The following TTC19 variants were observed in gnomAD, a reference collection of about 807,000 sequenced individuals.
The protein encoded by TTC19 is tetratricopeptide repeat protein 19, mitochondrial.
In TTC19, 38 loss-of-function variants were observed where a neutral mutation model predicts 49.5. The observed-to-expected ratio is 0.77, with a 90% CI of 0.59 to 1.01. TTC19 has a LOEUF of 1.01. Ranked by LOEUF, TTC19 falls within the 50% of genes least tolerant of loss-of-function variation. The pLI, the probability that TTC19 is intolerant of heterozygous loss-of-function variation, is 0.00. For synonymous variants in TTC19, 204 were observed against 185.2 expected (o/e 1.10, Z -0.83); for missense variants, 475 against 477.7 (o/e 0.99, Z 0.05).
intron 7 of TTC19, among the ~76,000 whole-genome samples, chr17:16,016,778 G>A (rs1414858699): frequency 2.6e-5 from 4 of 151,992 alleles, no homozygotes; most frequent in African/African-American, 7.2e-5. Context: ...GGCTGGTCTC[G>A]AACTCCTGAC....
intron 7 of TTC19, among the ~76,000 whole-genome samples, chr17:16,013,434 T>G (rs1480618844): frequency 1.3e-5 from 2 of 152,244 alleles, no homozygotes; most frequent in African/African-American, 2.4e-5. Context: ...CTTAGAGAGA[T>G]ATTTTTCAAG....
At chr17:16,033,396 T>TC (rs1185054506), downstream of TTC19, among the ~76,000 whole-genome samples, 5 of 145,198 alleles carry the variant, frequency 3.4e-5, no homozygotes, top group African/African-American at 1.0e-4. Flanking sequence ...AAATAATAAA[T>TC]CTCATGTATG....
chr17:16,025,575 G>A (rs1488058336), intron 8 of TTC19, among the ~76,000 whole-genome samples: 1 of 152,190 alleles, frequency 6.6e-6, no homozygotes, highest in African/African-American at 2.4e-5. Flanking sequence ...ATGGCAAGAG[G>A]TGAGGGAAGG....
At chr17:16,020,269 T>G (rs879698318) in intron 7 of TTC19, among the ~76,000 whole-genome samples, 5 of 152,366 alleles carry the variant, frequency 3.3e-5, no homozygotes, top group Non-Finnish European at 7.3e-5. Flanking sequence ...GTGGCTTCAC[T>G]ATGTGTTTCT....
intron 6 of TTC19, among the ~76,000 whole-genome samples, chr17:16,005,712 G>T (rs920194750): frequency 2.0e-5 from 3 of 152,160 alleles, no homozygotes; most frequent in African/African-American, 7.2e-5. Context: ...ACTTTTATCA[G>T]AGACTTATAG....
At chr17:16,004,292 T>G in intron 6 of TTC19, 30 bp downstream of exon 6, 11 of 1,605,018 alleles carry the variant, frequency 6.9e-6, no homozygotes, top group Non-Finnish European at 9.4e-6. Context: ...AGTAGGACTG[T>G]GGGCAGGAAA....
intron 7 of TTC19, chr17:16,024,670 T>A: frequency 9.4e-6 from 3 of 318,630 alleles, no homozygotes; most frequent in Non-Finnish European, 1.8e-5. Flanking sequence ...GTTCTCTGTC[T>A]TCTTCCTGCA....
rs78193493 is a variant in TTC19, at chr17:16,027,383, C to T, written c.1004C>T (p.Thr335Ile). Reference protein sequence around the residue: ...AAVLMHRERYTQAKEIYQEAL... With the variant: ...AAVLMHRERYIQAKEIYQEAL... ...CTCTGGGTTATTTTAGAACGATATACACAAGCAAAAGAGATCTACCAGGAA... is the reference window on the plus strand; with the variant it reads ...CTCTGGGTTATTTTAGAACGATATATACAAGCAAAAGAGATCTACCAGGAA... The change falls in exon 10 of 10, where the codon ACA (threonine) becomes ATA (isoleucine). Residue 335 changes from threonine (T) to isoleucine (I), a missense_variant. Transcript: ENST00000261647. 7.7e-4 allele frequency: 1,242 copies of T among 1,613,994 alleles called. 10 individuals carry two copies. In the African/African-American group the frequency reaches 0.014, roughly 18 times the overall value.
chr17:16,027,314 A>T, intron 9 of TTC19, 60 bp from the exon 10 acceptor site: 1 of 1,597,750 alleles, frequency 6.3e-7, no homozygotes, highest in Middle Eastern at 1.7e-4. Flanking sequence ...CTCTCTCTTC[A>T]GAATCACCTT....
chr17:16,032,471 A>G, downstream of TTC19: 1 of 1,583,498 alleles, frequency 6.3e-7, no homozygotes, highest in East Asian at 2.3e-5. Context: ...GTTATAAGGA[A>G]ACTGAGTTGA....
At chr17:16,026,823 A>G in intron 9 of TTC19, 121 bp downstream of exon 9, 1 of 1,059,714 alleles carries the variant, frequency 9.4e-7, no homozygotes, top group South Asian at 1.3e-5. Flanking sequence ...AAATTAAAAG[A>G]CTGGTTGAAT....
At chr17:16,040,462 G>C in intron 2 of TTC19, 1 of 1,613,710 alleles carries the variant, frequency 6.2e-7, no homozygotes, top group South Asian at 1.1e-5. Flanking sequence ...ACTGCTGGCA[G>C]ATTAAAGATC....
Position 16,000,199 on chromosome 17 carries a change from C to A in TTC19, c.266C>A (p.Ala89Glu). 1.3e-6 allele frequency: 2 copies of A among 1,594,240 alleles called. No homozygotes were observed. The highest frequency in any genetic ancestry group is 2.2e-5 in the South Asian group (2 of 90,776). The change falls in exon 2 of 10, where the codon GCG (alanine) becomes GAG (glutamate). Residue 89 changes from alanine (A) to glutamate (E), a missense_variant. Coordinates refer to ENST00000261647, the MANE Select transcript of TTC19 (RefSeq NM_017775.4). Reference sequence around the variant, plus strand: ...GACGGGGCCGCTGCCGAGGACGGGGCGGACGAGGCCGAGGCAGAGATCATC... The same window carrying A: ...GACGGGGCCGCTGCCGAGGACGGGGAGGACGAGGCCGAGGCAGAGATCATC... ...GADGAAAEDG[A>E]DEAEAEIIQL...
chr17:16,026,832 A>T lies in TTC19; in HGVS notation c.994+130A>T, dbSNP rs117263913. The T allele has an allele frequency of 1.1e-4, 111 of 981,792 alleles. No individual in the cohort carries two copies. The East Asian group carries it at 2.4e-3, about 22-fold the overall frequency. 60.8% of individuals were successfully genotyped at this position (981,792 alleles called of 1,614,324 possible). Reference sequence around the variant, plus strand: ...ACATGTAAATTAAAAGACTGGTTGAATGGCAGAAAAAGGAGGTATTGATTA... The same window carrying T: ...ACATGTAAATTAAAAGACTGGTTGATTGGCAGAAAAAGGAGGTATTGATTA... On this transcript the variant is annotated intron_variant, in intron 9 of 9. Coordinates refer to ENST00000261647, the MANE Select transcript of TTC19 (RefSeq NM_017775.4).
In TTC19 at chr17:15,999,828, C is replaced by G. The variant is rs1410641256; in HGVS notation, c.-21C>G. The G allele has an allele frequency of 6.5e-7, 1 of 1,542,592 alleles. No individual in the cohort carries two copies. The highest frequency in any genetic ancestry group is 1.9e-5 in the Admixed American group (1 of 51,902). ...CCAGGAGCGCGTCTGGCCTGCAGTG[C>G]GCAGAGGACGCGGCGGGAGCATGTT... On this transcript the variant is annotated 5_prime_UTR_variant, in exon 1 of 10. Coordinates refer to ENST00000261647, the MANE Select transcript of TTC19 (RefSeq NM_017775.4).
intron 7 of TTC19, among the ~76,000 whole-genome samples, chr17:16,014,752 A>G (rs1971166086): frequency 6.6e-6 from 1 of 152,230 alleles, no homozygotes; most frequent in Non-Finnish European, 1.5e-5. Flanking sequence ...AACATTTCAG[A>G]TAAGGAATAC....
chr17:16,009,309 G>C (rs143052518), intron 7 of TTC19, among the ~76,000 whole-genome samples: 2 of 152,260 alleles, frequency 1.3e-5, no homozygotes, highest in East Asian at 3.9e-4. Flanking sequence ...AATAATACCA[G>C]TAAACACTGA....
intron 2 of TTC19, among the ~76,000 whole-genome samples, chr17:16,035,205 C>A (rs1002690108): frequency 6.6e-6 from 1 of 152,174 alleles, no homozygotes; most frequent in Non-Finnish European, 1.5e-5. Flanking sequence ...TTGCCAAAGG[C>A]TGGGATGGCT....
chr17:16,013,190 A>G (rs1242955167), intron 7 of TTC19, among the ~76,000 whole-genome samples: 1 of 152,132 alleles, frequency 6.6e-6, no homozygotes, highest in Non-Finnish European at 1.5e-5. Context: ...GGCAATAGAG[A>G]CCCTGTCTCA....
Sources: gnomAD v4.1 joint callset for allele counts (sites outside exome capture counted in the v4.1 genomes callset) on GRCh38, gnomAD v4.1.1 for gene constraint, MANE v1.5 for transcripts, NCBI Gene and HGNC (gene_info 2026-07-23, HGNC 2026-07-21) for gene names.